Variants in MEF2D observed in about 807,000 individuals in gnomAD.
MEF2D encodes the protein myocyte enhancer factor 2D.
In MEF2D, 10 loss-of-function variants were observed where a neutral mutation model predicts 59.3. The observed-to-expected ratio is 0.17, with a 90% CI of 0.10 to 0.29. MEF2D has a LOEUF of 0.29. MEF2D is among the 10% of genes least tolerant of loss of function. The probability of loss-of-function intolerance (pLI) is 1.00; values close to 1 mark genes in which losing one functional copy is unlikely to be tolerated. For missense variants in MEF2D, 508 were observed against 699.4 expected (o/e 0.73, Z 3.09); for synonymous variants, 305 against 295.0 (o/e 1.03, Z -0.35).
chr1:156,476,902 A>T (rs1671646375), intron 7 of MEF2D, 110 bp downstream of exon 7: 1 of 1,270,034 alleles, frequency 7.9e-7, no homozygotes, highest in Non-Finnish European at 1.1e-6. Flanking sequence ...TTATCTTGGG[A>T]AGTCCTAACT....
At chr1:156,476,966 C>T (rs772917438) in intron 7 of MEF2D, 46 bp downstream of exon 7, 14 of 1,607,918 alleles carry the variant, frequency 8.7e-6, no homozygotes, top group Non-Finnish European at 1.2e-5. Flanking sequence ...CCTGTCCCTA[C>T]TCTTCCATTC....
At chr1:156,487,176 C>G (rs1571257463) in intron 1 of MEF2D, among the ~76,000 whole-genome samples, 1 of 152,230 alleles carries the variant, frequency 6.6e-6, no homozygotes, top group East Asian at 1.9e-4. Flanking sequence ...TACACCGCCC[C>G]CCCCACCCCC....
chr1:156,478,434 G>T (rs530680016), intron 6 of MEF2D, among the ~76,000 whole-genome samples: 2 of 152,274 alleles, frequency 1.3e-5, no homozygotes, highest in East Asian at 3.9e-4. Flanking sequence ...GACGTCAATC[G>T]TGACATTCGA....
At chr1:156,469,913 A>G (rs1444348216) in intron 9 of MEF2D, among the ~76,000 whole-genome samples, 1 of 152,152 alleles carries the variant, frequency 6.6e-6, no homozygotes, top group East Asian at 1.9e-4. Flanking sequence ...TATCACTTTC[A>G]TAACAATTTA....
At chr1:156,498,666 T>C (rs1673293387) in intron 1 of MEF2D, among the ~76,000 whole-genome samples, 1 of 137,098 alleles carries the variant, frequency 7.3e-6, no homozygotes, top group Non-Finnish European at 1.6e-5. Context: ...TGCACACACA[T>C]ACATATACAC....
chr1:156,468,649 G>A lies in MEF2D; in HGVS notation c.1247+131C>T. On this transcript the variant is annotated intron_variant, in intron 10 of 11. Transcript: ENST00000348159. The surrounding 1 kb of genome is among the most constrained non-coding windows in gnomAD (Gnocchi z 4.3). The stretch of plus-strand genomic sequence containing the variant: ...CCAGGGGTGCCACTGTTGCCTAACA[G>A]ACTGTGCAGTGCACAGCCTCATAGG... The A allele has an allele frequency of 6.9e-7, 1 of 1,442,112 alleles. No individual in the cohort carries two copies. The highest frequency in any genetic ancestry group is 9.3e-7 in the Non-Finnish European group (1 of 1,069,968). The allele number at this position is 1,442,112 out of a possible 1,614,324, so 89.3% of individuals were successfully genotyped here.
At chr1:156,492,464 C>T (rs1672861036) in intron 1 of MEF2D, among the ~76,000 whole-genome samples, 1 of 152,246 alleles carries the variant, frequency 6.6e-6, no homozygotes. Flanking sequence ...GAGCTGCAGA[C>T]AACCAATCTC....
intron 1 of MEF2D, among the ~76,000 whole-genome samples, chr1:156,489,456 G>T (rs1672604976): frequency 6.6e-6 from 1 of 152,154 alleles, no homozygotes; most frequent in African/African-American, 2.4e-5. Flanking sequence ...GAGAAAAAGA[G>T]GCAGCGAGGC....
At chr1:156,470,748 GAGGAC>G (rs1671188648) in intron 9 of MEF2D, among the ~76,000 whole-genome samples, 1 of 152,192 alleles carries the variant, frequency 6.6e-6, no homozygotes, top group Non-Finnish European at 1.5e-5. Context: ...CAGCTGTTGT[GAGGAC>G]TGAGCAAGTT....
intron 9 of MEF2D, among the ~76,000 whole-genome samples, chr1:156,472,171 C>A (rs1671271875): frequency 6.6e-6 from 1 of 152,244 alleles, no homozygotes; most frequent in African/African-American, 2.4e-5. Flanking sequence ...GAGCTGCCCT[C>A]CGCCAACTGT....
intron 1 of MEF2D, among the ~76,000 whole-genome samples, chr1:156,493,147 G>C (rs115359161): frequency 1.3e-5 from 2 of 152,308 alleles, no homozygotes; most frequent in African/African-American, 4.8e-5. Context: ...GGGGGTCTGA[G>C]CCCTGATTGC....
In MEF2D at chr1:156,483,421, G is replaced by T; in HGVS notation, c.-129C>A. The T allele has an allele frequency of 1.1e-6, 1 of 880,238 alleles. No homozygotes were observed. Among genetic ancestry groups the T allele is most frequent in the South Asian group, 1.5e-5 (1 of 68,266 alleles). The allele number at this position is 880,238 out of a possible 1,614,324, so 54.5% of individuals were successfully genotyped here. On this transcript the variant is annotated 5_prime_UTR_variant, in exon 2 of 12. Transcript: ENST00000348159. ...GTTCATGGTCTGCAGGATACCTTCT[G>T]CACAGCCTCCTGGAAAGGGAGGGTC... is the stretch of plus-strand genomic sequence containing the variant.
intron 9 of MEF2D, among the ~76,000 whole-genome samples, chr1:156,469,796 G>C (rs1335285921): frequency 2.6e-5 from 4 of 152,048 alleles, no homozygotes; most frequent in Admixed American, 2.6e-4. Context: ...TGAGGCAGGA[G>C]ACTTGCTTGA....
intron 1 of MEF2D, among the ~76,000 whole-genome samples, chr1:156,494,119 C>T (rs1226631867): frequency 6.6e-6 from 1 of 152,116 alleles, no homozygotes; most frequent in African/African-American, 2.4e-5. Context: ...AACCATCATC[C>T]CTCACCAAAA....
At chr1:156,487,083 A>G (rs746047175) in intron 1 of MEF2D, among the ~76,000 whole-genome samples, 2 of 152,200 alleles carry the variant, frequency 1.3e-5, no homozygotes, top group Non-Finnish European at 2.9e-5. Context: ...TCTTCTAAGG[A>G]GCAGCCCTGA....
At position 156,475,246 on chromosome 1, in the gene MEF2D, G is replaced by A. The variant is rs1482096743; in HGVS notation, c.877-9C>T. ...AGGCGCTGGGCATTGTTCTGTAGGA[G>A]AAAACTGTCCGTCAGGAGGTGGCTG... is the stretch of plus-strand genomic sequence containing the variant. On this transcript the variant is annotated splice_polypyrimidine_tract_variant and intron_variant, in intron 8 of 11. Coordinates refer to ENST00000348159, the MANE Select transcript of MEF2D (RefSeq NM_005920.4). The A allele has an allele frequency of 1.3e-6, 2 of 1,594,200 alleles. No homozygotes were observed. The highest frequency in any genetic ancestry group is 3.5e-5 in the Admixed American group (2 of 57,442).
chr1:156,498,122 A>C (rs1011765812), intron 1 of MEF2D, among the ~76,000 whole-genome samples: 3 of 150,848 alleles, frequency 2.0e-5, no homozygotes, highest in Non-Finnish European at 4.4e-5. Context: ...AAAAAAAAAA[A>C]AAAAACCCTG....
Position 156,479,312 on chromosome 1 carries a change from G to A in MEF2D, c.642C>T (p.Asn214=), listed in dbSNP as rs1208819338. ...CACCAACAGGGCTGGGGCAGGCTCC[G>A]TTAGCACTGTTCAGGTCACCCCCCA... ...AMLGGDLNSA[N]GACPSPVGNG... is the part of the protein sequence containing the mutation. The change falls in exon 6 of 12, where the codon AAC becomes AAT. Residue 214 remains asparagine, a synonymous_variant. Transcript: ENST00000348159. 6.8e-6 allele frequency: 11 copies of A among 1,613,022 alleles called. No individual in the cohort carries two copies. Among genetic ancestry groups the A allele is most frequent in the African/African-American group, 2.7e-5 (2 of 74,850 alleles).
intron 9 of MEF2D, among the ~76,000 whole-genome samples, chr1:156,470,235 C>A (rs1671146993): frequency 6.6e-6 from 1 of 152,212 alleles, no homozygotes; most frequent in Non-Finnish European, 1.5e-5. Context: ...GCCTGGCCAA[C>A]ATGGTGAAAC....
Sources: gnomAD v4.1 joint callset for allele counts (sites outside exome capture counted in the v4.1 genomes callset) on GRCh38, gnomAD v4.1.1 for gene constraint, Gnocchi (gnomAD v3.1) non-coding constraint, MANE v1.5 for transcripts, NCBI Gene and HGNC (gene_info 2026-07-23, HGNC 2026-07-21) for gene names.